Variants in BTBD7 observed in about 807,000 individuals in gnomAD.
BTBD7 encodes the protein BTB/POZ domain-containing protein 7.
A neutral mutation model predicts 99.9 loss-of-function variants in BTBD7; 38 were observed. The ratio of observed to expected loss-of-function variants is 0.38; its 90% CI spans 0.29 to 0.50. BTBD7 has a LOEUF of 0.50. Among genes scored for constraint, BTBD7 ranks in the 20% least tolerant of loss-of-function variants. The pLI is 0.93. For synonymous variants in BTBD7, 520 were observed against 511.4 expected (o/e 1.02, Z -0.23); for missense variants, 1,170 against 1,394.6 (o/e 0.84, Z 2.57).
chr14:93,260,016 C>T (rs2052470548), intron 5 of BTBD7, among the ~76,000 whole-genome samples: 1 of 152,020 alleles, frequency 6.6e-6, no homozygotes, highest in South Asian at 2.1e-4. Context: ...TAAACACATT[C>T]AAATCTGAGA....
At chr14:93,295,520 A>C (rs1241607062) in intron 2 of BTBD7, among the ~76,000 whole-genome samples, 2 of 152,242 alleles carry the variant, frequency 1.3e-5, no homozygotes, top group African/African-American at 4.8e-5. Context: ...CTGGCTATCA[A>C]AGGACATTTG....
At chr14:93,319,433 T>C (rs565717609) in intron 1 of BTBD7, among the ~76,000 whole-genome samples, 2 of 152,292 alleles carry the variant, frequency 1.3e-5, no homozygotes, top group Admixed American at 1.3e-4. Context: ...TGGAATACTA[T>C]TTGGCCTCAG....
At chr14:93,304,648 G>T (rs1033991574) in intron 1 of BTBD7, among the ~76,000 whole-genome samples, 1 of 152,128 alleles carries the variant, frequency 6.6e-6, no homozygotes, top group African/African-American at 2.4e-5. Context: ...CACCGTGCCC[G>T]GCCTAGATTT....
In BTBD7 at chr14:93,299,472, A is replaced by AGAGGG. The variant is rs1376933308; in HGVS notation, c.-106-3320_-106-3316dup. ...TGATGCAACGGAGAGAGGAGCAAGG[A>AGAGGG]GAGGGGAGAGGAGAGGAGAAGGTCT... On this transcript the variant is annotated intron_variant, in intron 1 of 10. Transcript: ENST00000334746. 7.9e-5 allele frequency among the ~76,000 whole-genome samples: 12 copies of AGAGGG among 152,306 alleles called. No individual in the cohort carries two copies. The South Asian group carries it at 1.9e-3, about 24-fold the overall frequency.
At chr14:93,269,565 C>G (rs1289189863) in intron 3 of BTBD7, among the ~76,000 whole-genome samples, 1 of 152,196 alleles carries the variant, frequency 6.6e-6, no homozygotes, top group East Asian at 1.9e-4. Flanking sequence ...AGCAGAATGT[C>G]ATGTGTTCTC....
At chr14:93,289,725 A>C (rs1450596483) in intron 3 of BTBD7, among the ~76,000 whole-genome samples, 1 of 152,176 alleles carries the variant, frequency 6.6e-6, no homozygotes, top group Non-Finnish European at 1.5e-5. Context: ...AGTGAAGTTA[A>C]ATCTGGTCCT....
chr14:93,254,377 A>G (rs1566837279), intron 6 of BTBD7, among the ~76,000 whole-genome samples: 2 of 152,236 alleles, frequency 1.3e-5, no homozygotes, highest in Non-Finnish European at 1.5e-5. Context: ...TAAAGATCAG[A>G]ACTCTTAATG....
intron 3 of BTBD7, among the ~76,000 whole-genome samples, chr14:93,280,720 T>C (rs1365765912): frequency 2.0e-5 from 3 of 152,062 alleles, no homozygotes; most frequent in East Asian, 3.9e-4. Flanking sequence ...AGACCAAATA[T>C]ATGAAAAAAT....
At chr14:93,301,323 C>A (rs1164815557) in intron 1 of BTBD7, among the ~76,000 whole-genome samples, 1 of 151,938 alleles carries the variant, frequency 6.6e-6, no homozygotes, top group African/African-American at 2.4e-5. Flanking sequence ...TCCTGAGTAG[C>A]TGGGATTACA....
At chr14:93,300,085 T>C (rs1020426310) in intron 1 of BTBD7, among the ~76,000 whole-genome samples, 1 of 152,192 alleles carries the variant, frequency 6.6e-6, no homozygotes, top group South Asian at 2.1e-4. Flanking sequence ...TTCGGTTATC[T>C]CTGTGTCACT....
chr14:93,329,602 T>C (rs1252537283), intron 1 of BTBD7, among the ~76,000 whole-genome samples: 2 of 152,234 alleles, frequency 1.3e-5, no homozygotes, highest in African/African-American at 4.8e-5. Flanking sequence ...CAATGGAATA[T>C]TATTCAGCCT....
At chr14:93,262,166 G>A (rs944664821) in intron 4 of BTBD7, among the ~76,000 whole-genome samples, 4 of 146,514 alleles carry the variant, frequency 2.7e-5, no homozygotes, top group Admixed American at 2.1e-4. Flanking sequence ...GGAGTCTCGC[G>A]CTGTTGCCCA....
intron 3 of BTBD7, among the ~76,000 whole-genome samples, chr14:93,290,207 G>A (rs2052831624): frequency 6.7e-6 from 1 of 149,438 alleles, no homozygotes; most frequent in African/African-American, 2.5e-5. Context: ...TGCCAATACT[G>A]CCTTTTAATT....
intron 5 of BTBD7, among the ~76,000 whole-genome samples, chr14:93,257,878 T>C (rs1380629365): frequency 6.6e-6 from 1 of 152,164 alleles, no homozygotes; most frequent in Non-Finnish European, 1.5e-5. Context: ...TTTATGAAAA[T>C]CTCCCAAATT....
In BTBD7 at chr14:93,298,156, A is replaced by G. The variant is rs146360902; in HGVS notation, c.-106-1999T>C. Among the ~76,000 whole-genome samples the G allele has an allele frequency of 2.7e-3, 408 of 152,324 alleles. 1 individual carries two copies. The highest frequency in any genetic ancestry group is 9.3e-3 in the African/African-American group (386 of 41,574). On this transcript the variant is annotated intron_variant, in intron 1 of 10. Transcript: ENST00000334746. ...AAGAAGAATAGAGCCTTGCCTCCGG[A>G]TGAAGAAAAATCAGAAGCGTCTTCA...
Position 93,294,297 on chromosome 14 carries a change from A to G in BTBD7, c.723T>C (p.Phe241=), listed in dbSNP as rs763209407. 1.2e-6 allele frequency: 2 copies of G among 1,614,084 alleles called. No homozygotes were observed. Among genetic ancestry groups the G allele is most frequent in the East Asian group, 2.2e-5 (1 of 44,890 alleles). Reference sequence around the variant, plus strand: ...CGACATCATAATAACACATGTAATCAAAGAGTCCACGCATATCTACATCAA... The same window carrying G: ...CGACATCATAATAACACATGTAATCGAAGAGTCCACGCATATCTACATCAA... ...NSLDVDMRGL[F]DYMCYYDVVL... The change falls in exon 3 of 11, where the codon TTT becomes TTC. Residue 241 remains phenylalanine, a synonymous_variant. Coordinates refer to ENST00000334746, the MANE Select transcript of BTBD7 (RefSeq NM_001002860.4).
intron 1 of BTBD7, among the ~76,000 whole-genome samples, chr14:93,323,815 G>T (rs906136676): frequency 5.9e-5 from 9 of 152,096 alleles, no homozygotes; most frequent in Non-Finnish European, 1.3e-4. Flanking sequence ...TTAAAAAATG[G>T]CTTACAATTA....
intron 3 of BTBD7, among the ~76,000 whole-genome samples, chr14:93,286,996 G>C (rs532458406): frequency 6.6e-6 from 1 of 152,214 alleles, no homozygotes; most frequent in East Asian, 1.9e-4. Context: ...CCAGCACTGA[G>C]GCGGGTGGAT....
At chr14:93,332,457 G>A (rs2053449088) in intron 1 of BTBD7, 1 of 159,048 alleles carries the variant, frequency 6.3e-6, no homozygotes, top group African/African-American at 2.4e-5. Context: ...CAGCGTCCTG[G>A]GAGCGACGGG....
Sources: allele counts gnomAD v4.1 joint callset (sites outside exome capture counted in the v4.1 genomes callset), GRCh38; gene constraint gnomAD v4.1.1; transcripts MANE v1.5; gene names NCBI Gene and HGNC (gene_info 2026-07-23, HGNC 2026-07-21).